Variants in YWHAE observed in about 807,000 individuals in gnomAD.
YWHAE encodes 14-3-3 protein epsilon.
In YWHAE, 4 loss-of-function variants were observed where a neutral mutation model predicts 30.1. The observed-to-expected ratio is 0.13, with a 90% CI of 0.07 to 0.30. The LOEUF is 0.30. YWHAE is among the 10% of genes least tolerant of loss of function. The pLI is 1.00. For missense variants in YWHAE, 121 were observed against 315.9 expected, an observed-to-expected ratio of 0.38 and a Z score of 4.68; for synonymous variants, 118 against 111.8, an observed-to-expected ratio of 1.06 and a Z score of -0.35.
intron 5 of YWHAE, among the ~76,000 whole-genome samples, chr17:1,346,971 A>G (rs1484704155): frequency 6.7e-6 from 1 of 149,058 alleles, no homozygotes; most frequent in Non-Finnish European, 1.5e-5. Flanking sequence ...AGCCTGGGTA[A>G]CAGAGTGAGA....
chr17:1,391,680 T>C (rs2073391085), intron 1 of YWHAE, among the ~76,000 whole-genome samples: 1 of 152,176 alleles, frequency 6.6e-6, no homozygotes. Context: ...TATCAATACC[T>C]AAATATATCA....
At chr17:1,349,256 C>T (rs1469819874) in intron 5 of YWHAE, among the ~76,000 whole-genome samples, 2 of 151,580 alleles carry the variant, frequency 1.3e-5, no homozygotes, top group African/African-American at 2.4e-5. Flanking sequence ...GCAGAAGAAT[C>T]GCTTGAACCC....
At chr17:1,359,668 T>G (rs567631712) in intron 4 of YWHAE, among the ~76,000 whole-genome samples, 1 of 151,590 alleles carries the variant, frequency 6.6e-6, no homozygotes, top group Non-Finnish European at 1.5e-5. Context: ...CAACGTAAAA[T>G]AAAAGTTACT....
intron 1 of YWHAE, among the ~76,000 whole-genome samples, chr17:1,370,070 T>C (rs1206149350): frequency 6.6e-6 from 1 of 151,882 alleles, no homozygotes; most frequent in African/African-American, 2.4e-5. Flanking sequence ...TCCTGCATGA[T>C]TTCTCTGTAG....
At chr17:1,362,157 A>C in intron 2 of YWHAE, 149 bp from the exon 3 acceptor site, 1 of 538,464 alleles carries the variant, frequency 1.9e-6, no homozygotes, top group Non-Finnish European at 3.3e-6. Flanking sequence ...TCTTGACACA[A>C]AAGCAGAGAA....
chr17:1,390,206 G>A (rs1366492014), intron 1 of YWHAE, among the ~76,000 whole-genome samples: 2 of 152,146 alleles, frequency 1.3e-5, no homozygotes, highest in African/African-American at 4.8e-5. Flanking sequence ...CGTTTGCTAA[G>A]GAGAAAGTCT....
chr17:1,375,718 C>A (rs1285594009), intron 1 of YWHAE, among the ~76,000 whole-genome samples: 1 of 152,186 alleles, frequency 6.6e-6, no homozygotes, highest in African/African-American at 2.4e-5. Context: ...TGGTAATAGC[C>A]TAGACACAGA....
chr17:1,394,460 A>AAAAAAAAAAAAAAAAAAAAC (rs1555647412), intron 1 of YWHAE, among the ~76,000 whole-genome samples: 1 of 137,544 alleles, frequency 7.3e-6, no homozygotes, highest in African/African-American at 2.9e-5. Flanking sequence ...AAAAAAAAAA[A>AAAAAAAAAAAAAAAAAAAAC]ACACAAAAAT....
At chr17:1,381,577 G>C (rs938664516) in intron 1 of YWHAE, among the ~76,000 whole-genome samples, 4 of 151,926 alleles carry the variant, frequency 2.6e-5, no homozygotes, top group Admixed American at 2.6e-4. Flanking sequence ...ATGTAAAGGG[G>C]GGAGGGGAAT....
chr17:1,367,844 G>A (rs1337833348), intron 1 of YWHAE, among the ~76,000 whole-genome samples: 1 of 152,156 alleles, frequency 6.6e-6, no homozygotes, highest in African/African-American at 2.4e-5. Context: ...AGGTACAGAG[G>A]TGAACTGAGG....
chr17:1,358,365 G>A (rs57903671), intron 4 of YWHAE, among the ~76,000 whole-genome samples: 2 of 151,988 alleles, frequency 1.3e-5, no homozygotes, highest in East Asian at 1.9e-4. Context: ...TCAGCCTCCC[G>A]AGTAGCTGGG....
chr17:1,398,278 T>A (rs972741225), intron 1 of YWHAE, among the ~76,000 whole-genome samples: 1 of 152,132 alleles, frequency 6.6e-6, no homozygotes, highest in Non-Finnish European at 1.5e-5. Context: ...ATCTCTTTGA[T>A]TTTTAAACAC....
chr17:1,398,711 G>C (rs1018282340), intron 1 of YWHAE: 1 of 152,020 alleles, frequency 6.6e-6, no homozygotes, highest in African/African-American at 2.4e-5. Context: ...TAAATGTGTG[G>C]GTATTTCAAA....
chr17:1,352,503 A>G (rs1170965076), intron 5 of YWHAE, among the ~76,000 whole-genome samples: 1 of 151,768 alleles, frequency 6.6e-6, no homozygotes, highest in Non-Finnish European at 1.5e-5. Context: ...CATATGTTTT[A>G]TGTTTCAGCC....
chr17:1,395,903 G>A (rs1411142724), intron 1 of YWHAE, among the ~76,000 whole-genome samples: 1 of 152,216 alleles, frequency 6.6e-6, no homozygotes, highest in Non-Finnish European at 1.5e-5. Flanking sequence ...CGGATCACCT[G>A]AGGTCAGGAG....
At chr17:1,396,179 G>A (rs941920333) in intron 1 of YWHAE, among the ~76,000 whole-genome samples, 14 of 151,800 alleles carry the variant, frequency 9.2e-5, no homozygotes, top group African/African-American at 3.4e-4. Context: ...CAGCACTTTG[G>A]GAGACTGAGG....
At position 1,373,796 on chromosome 17, in the gene YWHAE, A is replaced by G. The variant is rs769489892; in HGVS notation, c.65-8738T>C. Among the ~76,000 whole-genome samples the G allele has an allele frequency of 4.9e-4, 75 of 152,278 alleles. 1 individual carries two copies. Among genetic ancestry groups the G allele is most frequent in the Non-Finnish European group, 6.2e-4 (42 of 68,020 alleles). On this transcript the variant is annotated intron_variant, in intron 1 of 5. Transcript: ENST00000264335. ...TCAAAGCGGGTTCCAGAAACCTTCC[A>G]TTTGTTCTGTAAAAATGTAGTATCT...
intron 5 of YWHAE, chr17:1,347,954 T>TGAC (rs1487876844): frequency 9.9e-7 from 1 of 1,008,470 alleles, no homozygotes; most frequent in African/African-American, 1.7e-5. Flanking sequence ...GCCATGAACG[T>TGAC]GACTTACAAA....
chr17:1,359,350 C>T (rs1004701826), intron 4 of YWHAE, among the ~76,000 whole-genome samples: 2 of 151,486 alleles, frequency 1.3e-5, no homozygotes, highest in African/African-American at 4.9e-5. Context: ...CCAATTCCAC[C>T]TCAAGGTGAA....
Sources: gnomAD v4.1 joint callset for allele counts (sites outside exome capture counted in the v4.1 genomes callset) on GRCh38, gnomAD v4.1.1 for gene constraint, MANE v1.5 for transcripts, NCBI Gene and HGNC (gene_info 2026-07-23, HGNC 2026-07-21) for gene names.